Variants in RNF216 observed in about 807,000 individuals in gnomAD.
RNF216 encodes the protein ring finger protein 216.
In RNF216, 72 loss-of-function variants were observed where a neutral mutation model predicts 110.8. The ratio of observed to expected loss-of-function variants is 0.65; its 90% CI spans 0.54 to 0.79. RNF216 has a LOEUF of 0.79. RNF216 is among the 30% of genes least tolerant of loss of function. The pLI is 0.00. For synonymous variants in RNF216, 495 were observed against 407.5 expected (o/e 1.21, Z -2.59); for missense variants, 1,342 against 1,141.2 (o/e 1.18, Z -2.54).
intron 13 of RNF216, among the ~76,000 whole-genome samples, chr7:5,686,126 G>C (rs1416277501): frequency 6.6e-6 from 1 of 151,540 alleles, no homozygotes; most frequent in Non-Finnish European, 1.5e-5. Flanking sequence ...GGGAGGCTGA[G>C]GCAGGAGAAT....
chr7:5,735,178 T>G (rs1297000715), intron 5 of RNF216, among the ~76,000 whole-genome samples: 1 of 152,062 alleles, frequency 6.6e-6, no homozygotes, highest in Non-Finnish European at 1.5e-5. Flanking sequence ...AGAGTTTGTG[T>G]AATCCAAAAA....
chr7:5,740,905 T>TG, intron 4 of RNF216, 68 bp downstream of exon 4: 2 of 1,346,564 alleles, frequency 1.5e-6, no homozygotes, highest in Non-Finnish European at 2.0e-6. Context: ...TTTTTTGCAA[T>TG]GAAAAAAAAA....
At chr7:5,715,337 G>C (rs544603347) in intron 10 of RNF216, 147 bp from the exon 11 acceptor site, 6 of 695,026 alleles carry the variant, frequency 8.6e-6, no homozygotes, top group South Asian at 7.3e-5. Context: ...ATGATATGCT[G>C]TTTCGTGCTA....
At chr7:5,773,356 C>T (rs920279292) in intron 1 of RNF216, among the ~76,000 whole-genome samples, 6 of 150,874 alleles carry the variant, frequency 4.0e-5, no homozygotes, top group African/African-American at 1.5e-4. Flanking sequence ...GATTCTTCTG[C>T]CTCAACCTCC....
intron 7 of RNF216, among the ~76,000 whole-genome samples, chr7:5,726,903 A>T (rs1449530334): frequency 1.3e-5 from 2 of 151,740 alleles, no homozygotes; most frequent in African/African-American, 4.8e-5. Context: ...TCCTAAAAAC[A>T]GGAGGGAGAA....
intron 13 of RNF216, among the ~76,000 whole-genome samples, chr7:5,707,646 G>A: frequency 6.6e-6 from 1 of 151,498 alleles, no homozygotes. Context: ...ATATAGCATG[G>A]AAGTGGTGAC....
At chr7:5,640,513 C>T (rs1787672954) in intron 15 of RNF216, among the ~76,000 whole-genome samples, 1 of 152,172 alleles carries the variant, frequency 6.6e-6, no homozygotes, top group South Asian at 2.1e-4. Flanking sequence ...TCTTTCCGAT[C>T]CCCAAACAGA....
At chr7:5,751,018 T>G (rs1200189088) in intron 3 of RNF216, among the ~76,000 whole-genome samples, 4 of 152,174 alleles carry the variant, frequency 2.6e-5, no homozygotes, top group African/African-American at 9.7e-5. Context: ...AGCTATTTGG[T>G]TTTAGTTGGG....
intron 13 of RNF216, among the ~76,000 whole-genome samples, chr7:5,711,210 G>C (rs913556233): frequency 6.6e-6 from 1 of 152,190 alleles, no homozygotes; most frequent in African/African-American, 2.4e-5. Context: ...CCAAGTTAAA[G>C]GGAACAAAGA....
intron 1 of RNF216, among the ~76,000 whole-genome samples, chr7:5,777,931 T>TA (rs1340849061): frequency 6.6e-6 from 1 of 152,116 alleles, no homozygotes; most frequent in East Asian, 1.9e-4. Flanking sequence ...CTAGGACAGA[T>TA]AAGTAAGTAC....
chr7:5,691,927 C>CA (rs1247571178), intron 13 of RNF216, among the ~76,000 whole-genome samples: 2 of 152,236 alleles, frequency 1.3e-5, no homozygotes, highest in African/African-American at 4.8e-5. Context: ...AGACAGACCC[C>CA]AGGGGCCGAC....
chr7:5,644,502 T>C (rs1020410624), intron 14 of RNF216, among the ~76,000 whole-genome samples: 6 of 151,808 alleles, frequency 4.0e-5, no homozygotes, highest in Non-Finnish European at 8.8e-5. Context: ...CAATTGATAT[T>C]GTTTGCCCAT....
intron 15 of RNF216, among the ~76,000 whole-genome samples, chr7:5,631,216 C>G (rs1446644346): frequency 1.3e-5 from 2 of 152,184 alleles, no homozygotes; most frequent in Non-Finnish European, 2.9e-5. Flanking sequence ...AGGGAACAAT[C>G]CTCCTTTTCT....
chr7:5,628,457 G>C (rs756690726), intron 15 of RNF216, among the ~76,000 whole-genome samples: 5 of 151,954 alleles, frequency 3.3e-5, no homozygotes, highest in Non-Finnish European at 7.4e-5. Context: ...CAACTTAAAA[G>C]TTTTTTTTCT....
chr7:5,713,481 C>T (rs61260366), intron 11 of RNF216: 5,817 of 152,356 alleles, frequency 0.038, 166 homozygotes, highest in South Asian at 0.068. Context: ...CAGACCTTTC[C>T]TCCCCCTCAG....
intron 13 of RNF216, among the ~76,000 whole-genome samples, chr7:5,686,166 T>C (rs1790970968): frequency 6.9e-6 from 1 of 145,468 alleles, no homozygotes; most frequent in Admixed American, 7.2e-5. Context: ...GAGGTTGCAG[T>C]GAGCCGAGAT....
chr7:5,685,323 C>T (rs796512485), intron 13 of RNF216, among the ~76,000 whole-genome samples: 75 of 152,262 alleles, frequency 4.9e-4, no homozygotes, highest in African/African-American at 1.8e-3. Flanking sequence ...ATGAATAAAA[C>T]GTGATTAATG....
chr7:5,743,857 G>A (rs977473932), intron 3 of RNF216, among the ~76,000 whole-genome samples: 1 of 152,160 alleles, frequency 6.6e-6, no homozygotes, highest in African/African-American at 2.4e-5. Flanking sequence ...CTGAATCGCA[G>A]CGTGGAGAGT....
chr7:5,655,613 G>A (rs1257607181), intron 13 of RNF216, among the ~76,000 whole-genome samples: 1 of 151,444 alleles, frequency 6.6e-6, no homozygotes, highest in Non-Finnish European at 1.5e-5. Flanking sequence ...CTCAAAAAAA[G>A]GGGGGACAAA....
Sources: allele counts gnomAD v4.1 joint callset (sites outside exome capture counted in the v4.1 genomes callset), GRCh38; gene constraint gnomAD v4.1.1; transcripts MANE v1.5; gene names NCBI Gene and HGNC (gene_info 2026-07-23, HGNC 2026-07-21).